ASPH: variants seen among roughly 807,000 people sequenced by gnomAD.
ASPH encodes aspartate beta-hydroxylase.
A neutral mutation model predicts 118.4 loss-of-function variants in ASPH; 100 were observed. The ratio of observed to expected loss-of-function variants is 0.84; its 90% CI spans 0.72 to 1.00. The LOEUF is 1.00. Among genes scored for constraint, ASPH ranks in the 50% least tolerant of loss-of-function variants. The pLI, the probability that ASPH is intolerant of heterozygous loss-of-function variation, is 0.00. For missense variants in ASPH, 920 were observed against 919.5 expected (o/e 1.00, Z -0.01); for synonymous variants, 315 against 325.6 (o/e 0.97, Z 0.35).
chr8:61,578,978 C>T, intron 15 of ASPH: 1 of 1,610,998 alleles, frequency 6.2e-7, no homozygotes, highest in Non-Finnish European at 8.5e-7. Context: ...ACAGCCGCTC[C>T]CTGGACATGG....
chr8:61,665,123 C>T (rs972510480), intron 3 of ASPH: 5 of 1,460,788 alleles, frequency 3.4e-6, no homozygotes, highest in African/African-American at 1.4e-5. Flanking sequence ...TTGCTAAGCA[C>T]CAATGATACA....
At chr8:61,628,727 T>C (rs1297002974) in intron 13 of ASPH, among the ~76,000 whole-genome samples, 1 of 152,160 alleles carries the variant, frequency 6.6e-6, no homozygotes, top group Non-Finnish European at 1.5e-5. Flanking sequence ...TATCTCTCCT[T>C]CTGTGTGTTG....
intron 13 of ASPH, among the ~76,000 whole-genome samples, chr8:61,621,904 AC>A (rs1261797288): frequency 6.6e-6 from 1 of 152,218 alleles, no homozygotes; most frequent in Non-Finnish European, 1.5e-5. Context: ...AAAAGATGTT[AC>A]ACTACTCTTT....
intron 13 of ASPH, among the ~76,000 whole-genome samples, chr8:61,630,168 A>T (rs1197388275): frequency 6.6e-6 from 1 of 152,190 alleles, no homozygotes; most frequent in African/African-American, 2.4e-5. Context: ...CTATATTAAG[A>T]CTGTATAACT....
At chr8:61,543,275 C>G (rs963356836) in intron 21 of ASPH, among the ~76,000 whole-genome samples, 5 of 152,076 alleles carry the variant, frequency 3.3e-5, no homozygotes, top group Admixed American at 2.6e-4. Context: ...TACACTTGAT[C>G]GTGCTCCATA....
chr8:61,527,784 A>G lies in ASPH; in HGVS notation c.1765-1672T>C, dbSNP rs540313638. ...GTTGGCTGGATGGCCTTTCAGCCCC[A>G]GATCACCAGTCTCTGGTGGTTAATT... is the stretch of plus-strand genomic sequence containing the variant. On this transcript the variant is annotated intron_variant, in intron 21 of 24. Transcript: ENST00000379454. Among the ~76,000 whole-genome samples the G allele has an allele frequency of 1.7e-4, 26 of 152,192 alleles. No homozygotes were observed. The South Asian group carries it at 5.4e-3, about 32-fold the overall frequency.
chr8:61,619,760 T>A (rs552751564), intron 13 of ASPH, among the ~76,000 whole-genome samples: 1 of 152,228 alleles, frequency 6.6e-6, no homozygotes, highest in African/African-American at 2.4e-5. Context: ...ACATCAGGAC[T>A]ACTGTGTAAG....
intron 13 of ASPH, among the ~76,000 whole-genome samples, chr8:61,626,844 A>AT (rs554201971): frequency 3.7e-4 from 56 of 150,184 alleles, no homozygotes; most frequent in Admixed American, 2.3e-3. Context: ...ACTTTTTACA[A>AT]TTTTTTTTTT....
At chr8:61,602,290 T>C (rs1430778014) in intron 14 of ASPH, among the ~76,000 whole-genome samples, 1 of 151,508 alleles carries the variant, frequency 6.6e-6, no homozygotes, top group Non-Finnish European at 1.5e-5. Flanking sequence ...TATTAATGTA[T>C]AGTTGTTTTA....
chr8:61,701,741 T>C (rs1412851557), intron 1 of ASPH, among the ~76,000 whole-genome samples: 3 of 152,176 alleles, frequency 2.0e-5, no homozygotes, highest in Non-Finnish European at 4.4e-5. Flanking sequence ...AACAAACCAA[T>C]GTACCTATTG....
At chr8:61,550,477 A>AAG (rs36069979) in intron 20 of ASPH, among the ~76,000 whole-genome samples, 24,560 of 147,942 alleles carry the variant, frequency 0.17, 2,278 homozygotes, top group East Asian at 0.4. Context: ...ACATAAGAGA[A>AAG]AGAGAGAGAG....
In ASPH at chr8:61,519,531, A is replaced by T. The variant is rs544619097; in HGVS notation, c.1901-1408T>A. Among the ~76,000 whole-genome samples the T allele has an allele frequency of 4.1e-4, 63 of 152,350 alleles. 1 individual carries two copies. In the South Asian group the frequency reaches 0.012, roughly 30 times the overall value. ...CAAAAGATGTCCATACCCTCATCCC[A>T]TAACCTGTGAATATGTTGTCTTTCA... On this transcript the variant is annotated intron_variant, in intron 22 of 24. Transcript: ENST00000379454.
At chr8:61,527,592 G>A (rs1815883496) in intron 21 of ASPH, among the ~76,000 whole-genome samples, 1 of 152,232 alleles carries the variant, frequency 6.6e-6, no homozygotes, top group Admixed American at 6.5e-5. Flanking sequence ...AGACCAATGA[G>A]ATGTGGGGAG....
intron 2 of ASPH, among the ~76,000 whole-genome samples, chr8:61,683,371 C>A (rs1050682297): frequency 2.6e-5 from 4 of 151,594 alleles, no homozygotes; most frequent in African/African-American, 9.7e-5. Context: ...GAATGTGACT[C>A]CAAAAATAAC....
intron 18 of ASPH, 80 bp downstream of exon 18, chr8:61,562,664 A>T: frequency 7.6e-7 from 1 of 1,318,222 alleles, no homozygotes; most frequent in Non-Finnish European, 1.0e-6. Flanking sequence ...TAAAATAAAG[A>T]GAGACTGGGT....
At chr8:61,506,070 C>T (rs530785523) in intron 24 of ASPH, among the ~76,000 whole-genome samples, 1 of 152,268 alleles carries the variant, frequency 6.6e-6, no homozygotes, top group South Asian at 2.1e-4. Context: ...TGAGAGCCAC[C>T]CACGTATCTA....
chr8:61,594,255 A>G (rs990841307), intron 14 of ASPH, among the ~76,000 whole-genome samples: 1 of 152,272 alleles, frequency 6.6e-6, no homozygotes, highest in Admixed American at 6.5e-5. Context: ...AAATGGGGAA[A>G]TGATTTTAAA....
intron 3 of ASPH, among the ~76,000 whole-genome samples, chr8:61,676,930 A>G (rs776175068): frequency 2.0e-5 from 3 of 152,118 alleles, no homozygotes; most frequent in Non-Finnish European, 4.4e-5. Context: ...ATACACTCAA[A>G]TTATGTAACT....
At chr8:61,644,048 A>G (rs1055216588) in intron 7 of ASPH, 47 bp from the exon 8 acceptor site, 2 of 1,400,682 alleles carry the variant, frequency 1.4e-6, no homozygotes, top group African/African-American at 2.9e-5. Context: ...AATAAGGAAT[A>G]CATGTAATAT....
Sources: allele counts gnomAD v4.1 joint callset (sites outside exome capture counted in the v4.1 genomes callset), GRCh38; gene constraint gnomAD v4.1.1; transcripts MANE v1.5; gene names NCBI Gene and HGNC (gene_info 2026-07-23, HGNC 2026-07-21).